Variants in NAALADL2 observed in about 807,000 individuals in gnomAD.
The protein encoded by NAALADL2 is inactive N-acetylated-alpha-linked acidic dipeptidase-like protein 2.
NAALADL2 carries 76 observed loss-of-function variants against 87.2 expected under a neutral mutation model. That is an observed-to-expected ratio of 0.87 (90% CI 0.72 to 1.05). The LOEUF (loss-of-function observed/expected upper bound fraction) is 1.05. NAALADL2 is among the 50% of genes least tolerant of loss of function. The pLI is 0.00. For missense variants in NAALADL2, 1,089 were observed against 945.8 expected, an observed-to-expected ratio of 1.15 and a Z score of -1.99; for synonymous variants, 354 against 331.0, an observed-to-expected ratio of 1.07 and a Z score of -0.75.
At chr3:175,288,969 G>A (rs554360869) in intron 4 of NAALADL2, among the ~76,000 whole-genome samples, 1 of 152,214 alleles carries the variant, frequency 6.6e-6, no homozygotes, top group East Asian at 1.9e-4. Context: ...TTCCGAAAGT[G>A]ATAAAATAAG....
chr3:175,419,159 C>A (rs1450013300), intron 5 of NAALADL2, among the ~76,000 whole-genome samples: 2 of 151,518 alleles, frequency 1.3e-5, no homozygotes, highest in Non-Finnish European at 2.9e-5. Context: ...TTACATGCTG[C>A]CTCTGGGGAA....
intron 11 of NAALADL2, among the ~76,000 whole-genome samples, chr3:175,709,804 C>T (rs541312200): frequency 1.4e-4 from 22 of 151,972 alleles, no homozygotes; most frequent in Admixed American, 3.3e-4. Flanking sequence ...GTTTCAAGAA[C>T]GTATATTGTG....
chr3:174,830,924 AT>A, intron 3 of NAALADL2, among the ~76,000 whole-genome samples: 1 of 151,332 alleles, frequency 6.6e-6, no homozygotes, highest in Admixed American at 6.6e-5. Flanking sequence ...TTGTTGGTGT[AT>A]AAGAATGCTT....
At chr3:175,036,085 C>T (rs1418344361) in intron 1 of NAALADL2, among the ~76,000 whole-genome samples, 1 of 152,054 alleles carries the variant, frequency 6.6e-6, no homozygotes, top group African/African-American at 2.4e-5. Flanking sequence ...TTATTTTTTA[C>T]TTCATTTATG....
chr3:175,711,174 G>A (rs1425585278), intron 11 of NAALADL2, among the ~76,000 whole-genome samples: 3 of 151,740 alleles, frequency 2.0e-5, no homozygotes, highest in Non-Finnish European at 2.9e-5. Flanking sequence ...GGGGAGAAAG[G>A]CATCTAAGAT....
At position 175,737,339 on chromosome 3, in the gene NAALADL2, G is replaced by A. The variant is rs372690403; in HGVS notation, c.1930G>A (p.Glu644Lys). The A allele has an allele frequency of 9.9e-6, 16 of 1,611,686 alleles. No individual in the cohort carries two copies. Among genetic ancestry groups the A allele is most frequent in the African/African-American group, 6.7e-5 (5 of 74,784 alleles). The change falls in exon 12 of 14, where the codon GAA becomes AAA. Residue 644 changes from glutamate (E) to lysine (K), a missense_variant. Transcript: ENST00000454872. Reference sequence around the variant, plus strand: ...AGAAGTGATTTTGCAAATTGCCAACGAACCTGTTCTGCCCTTTAATGCACT... The same window carrying A: ...AGAAGTGATTTTGCAAATTGCCAACAAACCTGTTCTGCCCTTTAATGCACT... Reference protein sequence around the residue: ...SGEVILQIANEPVLPFNALDI... With the variant: ...SGEVILQIANKPVLPFNALDI...
intron 1 of NAALADL2, among the ~76,000 whole-genome samples, chr3:174,476,028 T>C (rs375904870): frequency 1.5e-4 from 23 of 152,132 alleles, no homozygotes; most frequent in African/African-American, 4.1e-4. Context: ...AAAATATTAA[T>C]GCATTTTATT....
At chr3:175,562,675 G>C (rs1716460185) in intron 9 of NAALADL2, among the ~76,000 whole-genome samples, 1 of 151,730 alleles carries the variant, frequency 6.6e-6, no homozygotes, top group Non-Finnish European at 1.5e-5. Context: ...TATAATTTAG[G>C]AAATTAAAAA....
intron 8 of NAALADL2, among the ~76,000 whole-genome samples, chr3:175,471,034 T>C (rs1177953464): frequency 6.6e-6 from 1 of 152,200 alleles, no homozygotes; most frequent in East Asian, 1.9e-4. Context: ...AAATCCATAC[T>C]GTGTTAACCT....
chr3:175,078,526 A>G (rs537389763), intron 1 of NAALADL2, among the ~76,000 whole-genome samples: 9 of 152,204 alleles, frequency 5.9e-5, no homozygotes, highest in Admixed American at 5.9e-4. Flanking sequence ...AATCAGTTGT[A>G]GAACATTTCA....
At chr3:175,045,228 C>T (rs1004924581) in intron 1 of NAALADL2, among the ~76,000 whole-genome samples, 4 of 152,138 alleles carry the variant, frequency 2.6e-5, no homozygotes, top group Non-Finnish European at 5.9e-5. Flanking sequence ...GTCTAACTTT[C>T]ATACTGCATC....
chr3:175,066,723 T>C (rs1714601019), intron 1 of NAALADL2, among the ~76,000 whole-genome samples: 1 of 152,204 alleles, frequency 6.6e-6, no homozygotes. Flanking sequence ...GTATCCACTC[T>C]AGATTATCCT....
chr3:175,669,169 C>T (rs947776112), intron 11 of NAALADL2, among the ~76,000 whole-genome samples: 25 of 151,736 alleles, frequency 1.6e-4, no homozygotes, highest in Non-Finnish European at 3.2e-4. Context: ...GGGAAAAGTG[C>T]AGCCCAAACA....
intron 2 of NAALADL2, among the ~76,000 whole-genome samples, chr3:175,182,410 C>T (rs1435756123): frequency 6.6e-6 from 1 of 151,770 alleles, no homozygotes; most frequent in African/African-American, 2.4e-5. Context: ...TTTTTTGACA[C>T]AGGGTCTCTC....
chr3:175,608,257 A>G (rs1369629830), intron 10 of NAALADL2, among the ~76,000 whole-genome samples: 1 of 148,704 alleles, frequency 6.7e-6, no homozygotes, highest in Admixed American at 6.6e-5. Context: ...CCATTTTCAG[A>G]TTGTGGACTA....
At chr3:174,443,862 G>A (rs28421716) in intron 1 of NAALADL2, among the ~76,000 whole-genome samples, 22,309 of 151,564 alleles carry the variant, frequency 0.15, 3,829 homozygotes, top group East Asian at 0.48. Context: ...GATGAGGATT[G>A]AGAATTAATC....
At chr3:175,654,116 G>A (rs1454604608) in intron 11 of NAALADL2, among the ~76,000 whole-genome samples, 1 of 152,168 alleles carries the variant, frequency 6.6e-6, no homozygotes, top group Non-Finnish European at 1.5e-5. Flanking sequence ...CGGCTTTATT[G>A]ATAAGTGTAG....
chr3:174,948,413 G>C (rs1360667870), intron 1 of NAALADL2, among the ~76,000 whole-genome samples: 1 of 152,088 alleles, frequency 6.6e-6, no homozygotes, highest in East Asian at 1.9e-4. Context: ...CTGACCTCAG[G>C]TGATCCACCC....
intron 10 of NAALADL2, among the ~76,000 whole-genome samples, chr3:175,579,269 T>C (rs1476732855): frequency 6.6e-6 from 1 of 152,126 alleles, no homozygotes; most frequent in Non-Finnish European, 1.5e-5. Context: ...ATATTCAATT[T>C]CAACAAGTGA....
Sources: allele counts gnomAD v4.1 joint callset (sites outside exome capture counted in the v4.1 genomes callset), GRCh38; gene constraint gnomAD v4.1.1; transcripts MANE v1.5; gene names NCBI Gene and HGNC (gene_info 2026-07-23, HGNC 2026-07-21).